The following NAV2 variants were observed in gnomAD, a reference collection of about 807,000 sequenced individuals.
NAV2 encodes neuron navigator 2, also known as helicase, APC down-regulated 1.
NAV2 carries 54 observed loss-of-function variants against 223.2 expected under a neutral mutation model. That is an observed-to-expected ratio of 0.24 (90% confidence interval 0.19 to 0.30). NAV2 has a LOEUF of 0.30. Ranked by LOEUF, NAV2 falls within the 10% of genes least tolerant of loss-of-function variation. The probability of loss-of-function intolerance (pLI) is 1.00; values close to 1 mark genes in which losing one functional copy is unlikely to be tolerated. For synonymous variants in NAV2, 1,279 were observed against 1,239.3 expected (o/e 1.03, Z -0.67); for missense variants, 2,806 against 3,147.5 (o/e 0.89, Z 2.60).
intron 1 of NAV2, among the ~76,000 whole-genome samples, chr11:19,488,822 G>A (rs2042531371): frequency 1.3e-5 from 2 of 152,152 alleles, no homozygotes. Flanking sequence ...CATTTATTGA[G>A]TACTTACTAT....
chr11:19,387,319 A>G (rs925398960), intron 1 of NAV2, among the ~76,000 whole-genome samples: 8 of 152,144 alleles, frequency 5.3e-5, no homozygotes, highest in Admixed American at 2.0e-4. Flanking sequence ...AGATTAGAGG[A>G]TGACAGCTCT....
intron 1 of NAV2, among the ~76,000 whole-genome samples, chr11:19,684,000 C>T (rs1477653247): frequency 2.0e-5 from 3 of 152,050 alleles, no homozygotes; most frequent in Non-Finnish European, 4.4e-5. Flanking sequence ...TTTAAAATTT[C>T]CTTACTAAGA....
intron 36 of NAV2, among the ~76,000 whole-genome samples, chr11:20,110,640 A>C (rs1228391682): frequency 2.0e-5 from 3 of 152,192 alleles, no homozygotes; most frequent in Admixed American, 2.0e-4. Context: ...CCATCACTCC[A>C]CTGAGAAGCC....
At chr11:19,378,153 A>T (rs1848706013) in intron 1 of NAV2, among the ~76,000 whole-genome samples, 1 of 152,194 alleles carries the variant, frequency 6.6e-6, no homozygotes, top group African/African-American at 2.4e-5. Context: ...CGTACCGCAA[A>T]CACATTTCTC....
intron 28 of NAV2, among the ~76,000 whole-genome samples, chr11:20,092,875 C>T (rs1473246886): frequency 6.6e-6 from 1 of 152,168 alleles, no homozygotes; most frequent in Non-Finnish European, 1.5e-5. Context: ...CCTCGCACTT[C>T]CATCCGGCAA....
At position 19,933,698 on chromosome 11, in the gene NAV2, A is replaced by G. The variant is rs548877132; in HGVS notation, c.1454A>G (p.Asn485Ser). Residue 485 changes from asparagine to serine, a missense_variant, in exon 7 of 38, where the codon AAT (asparagine) becomes AGT (serine). Coordinates refer to ENST00000349880, the MANE Select transcript of NAV2 (RefSeq NM_145117.5). This position sits in a 1 kb window ranked among gnomAD's most constrained non-coding sequence, Gnocchi z 4.3. Reference protein sequence around the residue: ...LTNKKSSLKGNEKEKEKQQRE... With the variant: ...LTNKKSSLKGSEKEKEKQQRE... Reference sequence around the variant, plus strand: ...AACAAGAAGAGTTCTCTGAAAGGCAATGAGAAAGAGAAGGAGAAACAACAG... The same window carrying G: ...AACAAGAAGAGTTCTCTGAAAGGCAGTGAGAAAGAGAAGGAGAAACAACAG... 2.4e-5 allele frequency: 38 copies of G among 1,614,188 alleles called. 1 individual carries two copies. In the South Asian group the frequency reaches 3.5e-4, roughly 15 times the overall value.
At chr11:19,484,988 G>A (rs1035963478) in intron 1 of NAV2, among the ~76,000 whole-genome samples, 12 of 151,776 alleles carry the variant, frequency 7.9e-5, no homozygotes, top group Non-Finnish European at 1.5e-4. Context: ...CCAAGACCAG[G>A]AGAAATTCCT....
At chr11:19,530,195 CCT>C (rs1722418125) in intron 1 of NAV2, among the ~76,000 whole-genome samples, 1 of 152,086 alleles carries the variant, frequency 6.6e-6, no homozygotes, top group South Asian at 2.1e-4. Context: ...GTGGGGACTG[CCT>C]CTGTGTGGGG....
At chr11:19,650,612 A>T (rs2047943417) in intron 1 of NAV2, among the ~76,000 whole-genome samples, 1 of 152,160 alleles carries the variant, frequency 6.6e-6, no homozygotes, top group South Asian at 2.1e-4. Flanking sequence ...TACACAAAAA[A>T]CTTGTTTATG....
At chr11:20,022,637 T>C (rs1366044762) in intron 11 of NAV2, 5 of 989,166 alleles carry the variant, frequency 5.1e-6, no homozygotes, top group African/African-American at 1.7e-5. Flanking sequence ...TTTGCATCAT[T>C]AAAAGTAGCA....
intron 1 of NAV2, among the ~76,000 whole-genome samples, chr11:19,374,210 A>G (rs574863114): frequency 6.6e-6 from 1 of 152,064 alleles, no homozygotes; most frequent in Non-Finnish European, 1.5e-5. Context: ...CTATGTATCA[A>G]TGAACTTGGC....
At chr11:19,830,866 G>A (rs1265221244) in intron 1 of NAV2, among the ~76,000 whole-genome samples, 2 of 152,134 alleles carry the variant, frequency 1.3e-5, no homozygotes, top group Non-Finnish European at 2.9e-5. Context: ...CCTTCTTTGT[G>A]CTTATAAAAT....
At chr11:19,471,203 G>A (rs570332247) in intron 1 of NAV2, among the ~76,000 whole-genome samples, 3 of 152,234 alleles carry the variant, frequency 2.0e-5, no homozygotes, top group Admixed American at 2.0e-4. Flanking sequence ...TAGGGATGGG[G>A]ATCCATGTCA....
chr11:20,077,506 C>T (rs1218784127), intron 22 of NAV2, 46 bp from the exon 23 acceptor site: 1 of 1,468,996 alleles, frequency 6.8e-7, no homozygotes, highest in Non-Finnish European at 9.5e-7. Context: ...TCTAAGCACT[C>T]TTGCCTTGCA....
chr11:20,029,333 C>T (rs997579844), intron 11 of NAV2, among the ~76,000 whole-genome samples: 1 of 152,204 alleles, frequency 6.6e-6, no homozygotes, highest in Non-Finnish European at 1.5e-5. Flanking sequence ...CTCCTTGCTC[C>T]TGGCTCTTGC....
chr11:19,863,530 G>A (rs906131458), intron 3 of NAV2, among the ~76,000 whole-genome samples: 13 of 151,952 alleles, frequency 8.6e-5, no homozygotes, highest in Non-Finnish European at 1.3e-4. Flanking sequence ...TCTATTATGT[G>A]CTGCACCCTA....
chr11:19,472,201 A>G (rs1252993852), intron 1 of NAV2, among the ~76,000 whole-genome samples: 1 of 152,190 alleles, frequency 6.6e-6, no homozygotes, highest in African/African-American at 2.4e-5. Context: ...AGCTGGAGGT[A>G]TAGACAGGAA....
intron 5 of NAV2, among the ~76,000 whole-genome samples, chr11:19,886,717 A>G (rs2041016034): frequency 6.6e-6 from 1 of 152,208 alleles, no homozygotes; most frequent in Non-Finnish European, 1.5e-5. Flanking sequence ...CATCCCGTGA[A>G]TGATTTGTTA....
At chr11:19,381,339 T>G (rs1848829751) in intron 1 of NAV2, among the ~76,000 whole-genome samples, 1 of 152,204 alleles carries the variant, frequency 6.6e-6, no homozygotes, top group Non-Finnish European at 1.5e-5. Flanking sequence ...TCACTGGACA[T>G]AAATGTTCAT....
Sources: gnomAD v4.1 joint callset for allele counts (sites outside exome capture counted in the v4.1 genomes callset) on GRCh38, gnomAD v4.1.1 for gene constraint, Gnocchi (gnomAD v3.1) non-coding constraint, MANE v1.5 for transcripts, NCBI Gene and HGNC (gene_info 2026-07-23, HGNC 2026-07-21) for gene names.